Variants in WDR41 observed in about 807,000 individuals in gnomAD.
The protein encoded by WDR41 is WD repeat domain 41.
A neutral mutation model predicts 69.3 loss-of-function variants in WDR41; 63 were observed. The observed-to-expected ratio is 0.91, with a 90% CI of 0.74 to 1.12. WDR41 has a LOEUF of 1.12. Ranked by LOEUF, WDR41 falls within the 50% of genes most tolerant of loss-of-function variation. WDR41 has a pLI of 0.00. For missense variants in WDR41, 543 were observed against 534.5 expected, an observed-to-expected ratio of 1.02 and a Z score of -0.16; for synonymous variants, 185 against 192.1, an observed-to-expected ratio of 0.96 and a Z score of 0.31.
intron 2 of WDR41, among the ~76,000 whole-genome samples, chr5:77,467,146 TAAAAA>T (rs879745941): frequency 6.6e-6 from 1 of 151,700 alleles, no homozygotes; most frequent in Non-Finnish European, 1.5e-5. Flanking sequence ...AACTATAAAA[TAAAAA>T]AAGGATTAAA....
chr5:77,564,223 G>A (rs890955948), intron 1 of WDR41, among the ~76,000 whole-genome samples: 5 of 152,016 alleles, frequency 3.3e-5, no homozygotes, highest in African/African-American at 4.8e-5. Flanking sequence ...TCCTTGCACC[G>A]GAACCACTGA....
chr5:77,451,539 T>A (rs1290486791), intron 6 of WDR41, 186 bp from the exon 7 acceptor site: 5 of 587,726 alleles, frequency 8.5e-6, no homozygotes, highest in Non-Finnish European at 1.5e-5. Flanking sequence ...TTTCTGAGAC[T>A]TTTGGAAGAC....
chr5:77,586,403 T>C (rs1050805755), intron 1 of WDR41, among the ~76,000 whole-genome samples: 4 of 152,120 alleles, frequency 2.6e-5, no homozygotes, highest in African/African-American at 9.7e-5. Context: ...ACCTTCTGGA[T>C]TCAGTTGATC....
intron 2 of WDR41, among the ~76,000 whole-genome samples, chr5:77,481,360 C>T (rs1398767312): frequency 1.3e-5 from 2 of 152,130 alleles, no homozygotes; most frequent in Non-Finnish European, 2.9e-5. Flanking sequence ...ACATACTGGT[C>T]TGCTCTTATT....
chr5:77,437,298 G>A, intron 11 of WDR41, 38 bp downstream of exon 11: 3 of 1,553,126 alleles, frequency 1.9e-6, no homozygotes, highest in Non-Finnish European at 2.7e-6. Flanking sequence ...GAGAAAAAAG[G>A]AGAGAAAAAG....
At chr5:77,525,392 A>C (rs1802430926) in intron 1 of WDR41, among the ~76,000 whole-genome samples, 2 of 152,216 alleles carry the variant, frequency 1.3e-5, no homozygotes, top group Non-Finnish European at 2.9e-5. Flanking sequence ...TAAGGATACA[A>C]AAATGAAATA....
chr5:77,433,315 G>A (rs1380035660), intron 12 of WDR41, 28 bp from the exon 13 acceptor site: 1 of 1,601,346 alleles, frequency 6.2e-7, no homozygotes, highest in Non-Finnish European at 8.5e-7. Context: ...ACTGATTATA[G>A]GGACCCCGAA....
chr5:77,449,174 A>C (rs1225694434), intron 8 of WDR41, among the ~76,000 whole-genome samples: 1 of 152,228 alleles, frequency 6.6e-6, no homozygotes, highest in African/African-American at 2.4e-5. Flanking sequence ...TTTAGCTCAC[A>C]GGAGATACTC....
At chr5:77,449,616 A>G in intron 8 of WDR41, 144 bp downstream of exon 8, 1 of 617,942 alleles carries the variant, frequency 1.6e-6, no homozygotes, top group Non-Finnish European at 2.8e-6. Context: ...TCCACCGGCT[A>G]AAACTTCAGA....
At chr5:77,615,628 C>T (rs1380364775) in intron 1 of WDR41, among the ~76,000 whole-genome samples, 1 of 147,838 alleles carries the variant, frequency 6.8e-6, no homozygotes, top group Non-Finnish European at 1.5e-5. Context: ...TCCAATATTG[C>T]CAGCAACTAA....
intron 1 of WDR41, among the ~76,000 whole-genome samples, chr5:77,534,053 A>G (rs144444724): frequency 9.2e-5 from 14 of 152,336 alleles, no homozygotes; most frequent in African/African-American, 2.4e-4. Flanking sequence ...CCTATAAAAT[A>G]CAATGTAATA....
At chr5:77,534,588 C>T (rs1742931345) in intron 1 of WDR41, among the ~76,000 whole-genome samples, 1 of 152,060 alleles carries the variant, frequency 6.6e-6, no homozygotes, top group Admixed American at 6.6e-5. Flanking sequence ...CATGCACCAC[C>T]ACGCCTGGCT....
chr5:77,614,731 T>A (rs1411699145), intron 1 of WDR41, among the ~76,000 whole-genome samples: 4 of 150,628 alleles, frequency 2.7e-5, no homozygotes, highest in Non-Finnish European at 5.9e-5. Context: ...CACACCAGCA[T>A]GGCACATGTA....
Position 77,437,442 on chromosome 5 carries a change from C to T in WDR41, c.1005-18G>A. On this transcript the variant is annotated intron_variant, in intron 10 of 12. Coordinates refer to ENST00000296679, the MANE Select transcript of WDR41 (RefSeq NM_018268.4). ...TTAACTGCCTGTCAGAACAGAAAATCAGTAATACAAAAAGAGCGCACCACT... is the reference window on the plus strand; with the variant it reads ...TTAACTGCCTGTCAGAACAGAAAATTAGTAATACAAAAAGAGCGCACCACT... 1.2e-6 allele frequency: 2 copies of T among 1,609,006 alleles called. No homozygotes were observed. The highest frequency in any genetic ancestry group is 1.1e-5 in the South Asian group (1 of 90,958).
chr5:77,463,326 C>A, intron 3 of WDR41, 100 bp from the exon 4 acceptor site: 1 of 1,072,384 alleles, frequency 9.3e-7, no homozygotes, highest in South Asian at 2.3e-5. Flanking sequence ...GATACATATA[C>A]ATTCCATTTA....
chr5:77,563,500 A>G (rs554555412), intron 1 of WDR41, among the ~76,000 whole-genome samples: 19 of 152,318 alleles, frequency 1.2e-4, no homozygotes, highest in Admixed American at 4.6e-4. Context: ...CATGTCTTGA[A>G]GTATTTGAAG....
chr5:77,602,118 C>T (rs1744332945), intron 1 of WDR41, among the ~76,000 whole-genome samples: 1 of 152,066 alleles, frequency 6.6e-6, no homozygotes, highest in Non-Finnish European at 1.5e-5. Context: ...CCACCCTTCC[C>T]ATCCTCTGGT....
chr5:77,465,533 T>C (rs555393471), intron 2 of WDR41, among the ~76,000 whole-genome samples: 6 of 152,236 alleles, frequency 3.9e-5, no homozygotes, highest in South Asian at 2.1e-4. Context: ...TACAGGATTA[T>C]TCATCACCAT....
At chr5:77,516,677 T>C (rs939553993) in intron 1 of WDR41, among the ~76,000 whole-genome samples, 2 of 152,128 alleles carry the variant, frequency 1.3e-5, no homozygotes, top group Non-Finnish European at 2.9e-5. Context: ...GCAGAATTGA[T>C]GAAGGGATGA....
Sources: allele counts gnomAD v4.1 joint callset (sites outside exome capture counted in the v4.1 genomes callset), GRCh38; gene constraint gnomAD v4.1.1; transcripts MANE v1.5; gene names NCBI Gene and HGNC (gene_info 2026-07-23, HGNC 2026-07-21).